Variants in CUX1 observed in about 807,000 individuals in gnomAD.
CUX1 encodes the protein cut like homeobox 1.
Under a neutral mutation model 158.8 loss-of-function variants are expected in CUX1, and 31 were observed. The observed-to-expected ratio is 0.20, with a 90% CI of 0.15 to 0.26. The LOEUF is 0.26. Ranked by LOEUF, CUX1 falls within the 10% of genes least tolerant of loss-of-function variation. CUX1 has a pLI of 1.00. For synonymous variants in CUX1, 879 were observed against 862.1 expected (o/e 1.02, Z -0.34); for missense variants, 1,589 against 2,014.6 (o/e 0.79, Z 4.04).
intron 2 of CUX1, among the ~76,000 whole-genome samples, chr7:102,019,728 A>G (rs930588722): frequency 1.3e-5 from 2 of 152,226 alleles, no homozygotes; most frequent in African/African-American, 4.8e-5. Flanking sequence ...CAAAAGCCAC[A>G]GCATCAGCAT....
At chr7:101,913,317 C>T in intron 1 of CUX1, 1 of 1,256,594 alleles carries the variant, frequency 8.0e-7, no homozygotes, top group Non-Finnish European at 1.0e-6. Context: ...CCGTGGGTTT[C>T]CCATGCCGAC....
chr7:102,042,214 C>A (rs972745957), intron 3 of CUX1, among the ~76,000 whole-genome samples: 1 of 152,348 alleles, frequency 6.6e-6, no homozygotes, highest in Non-Finnish European at 1.5e-5. Context: ...CAGTGCTGCA[C>A]TGGCCCTATG....
At chr7:102,203,114 C>T (rs1393948769) in intron 18 of CUX1, among the ~76,000 whole-genome samples, 2 of 152,170 alleles carry the variant, frequency 1.3e-5, no homozygotes, top group Non-Finnish European at 2.9e-5. Flanking sequence ...TTACGAGTGC[C>T]CACCACCACA....
intron 2 of CUX1, among the ~76,000 whole-genome samples, chr7:102,003,323 CACACACACACA>C (rs1816930367): frequency 6.6e-6 from 1 of 151,490 alleles, no homozygotes; most frequent in African/African-American, 2.4e-5. Flanking sequence ...CACACACACA[CACACACACACA>C]CGCCCGCCCC....
chr7:101,821,776 G>A (rs1181664625), intron 1 of CUX1, among the ~76,000 whole-genome samples: 1 of 129,002 alleles, frequency 7.8e-6, no homozygotes, highest in Non-Finnish European at 1.6e-5. Flanking sequence ...CAGGGTTCAG[G>A]CCATTCTCCT....
At chr7:102,233,183 CTTT>C (rs781940562) in intron 21 of CUX1, among the ~76,000 whole-genome samples, 13 of 117,196 alleles carry the variant, frequency 1.1e-4, no homozygotes, top group Non-Finnish European at 1.5e-4. Context: ...TTTTTTTTTC[CTTT>C]TTTTTTTTTT....
rs189948673 is a variant in CUX1, at chr7:102,254,098, C to G, written c.*5056C>G. On this transcript the variant is annotated 3_prime_UTR_variant, in exon 24 of 24. Transcript: ENST00000292535. ...TGTCTCTCCTTTTGTGAGCGCAACA[C>G]GGACAAACAGCTGTGCTCTGCAAGG... 5.1e-6 allele frequency: 5 copies of G among 985,324 alleles called. No individual in the cohort carries two copies. The highest frequency in any genetic ancestry group is 1.1e-4 in the East Asian group (1 of 8,832). 61.0% of individuals were successfully genotyped at this position (985,324 alleles called of 1,614,324 possible).
intron 3 of CUX1, among the ~76,000 whole-genome samples, chr7:102,060,564 C>T (rs996609807): frequency 2.7e-5 from 4 of 149,962 alleles, no homozygotes; most frequent in South Asian, 2.1e-4. Context: ...TATATATATA[C>T]ACACACACAT....
chr7:102,073,861 A>G (rs1826416146), intron 4 of CUX1, among the ~76,000 whole-genome samples: 1 of 152,180 alleles, frequency 6.6e-6, no homozygotes. Flanking sequence ...AAATTGATGG[A>G]TGGTGGGAGC....
chr7:101,905,076 G>C (rs1160733318), intron 1 of CUX1, among the ~76,000 whole-genome samples: 1 of 152,154 alleles, frequency 6.6e-6, no homozygotes, highest in Admixed American at 6.5e-5. Flanking sequence ...CAGCTGGGGA[G>C]GGTGAGAGCC....
At chr7:102,214,236 G>A (rs1221298776) in intron 20 of CUX1, among the ~76,000 whole-genome samples, 1 of 152,082 alleles carries the variant, frequency 6.6e-6, no homozygotes, top group Non-Finnish European at 1.5e-5. Context: ...TCAAGAAGAA[G>A]GTGGTGGCCA....
At chr7:102,234,648 G>A (rs969176311) in intron 22 of CUX1, among the ~76,000 whole-genome samples, 1 of 151,882 alleles carries the variant, frequency 6.6e-6, no homozygotes, top group Non-Finnish European at 1.5e-5. Flanking sequence ...GGCAGGGCAC[G>A]GCGGCTCACG....
In CUX1 at chr7:102,231,374, G is replaced by A. The variant is rs112207500; in HGVS notation, c.3434-2678G>A. ...AGATGGGGTTTCACCATATTGCCCAGGCTGGTCTCAAAACTCCTAGGCTGA... is the reference window on the plus strand; with the variant it reads ...AGATGGGGTTTCACCATATTGCCCAAGCTGGTCTCAAAACTCCTAGGCTGA... On this transcript the variant is annotated intron_variant, in intron 21 of 23. Transcript: ENST00000292535. Among the ~76,000 whole-genome samples the A allele has an allele frequency of 4.8e-3, 726 of 151,836 alleles. 3 individuals are homozygous for A. The highest frequency in any genetic ancestry group is 0.017 in the African/African-American group (690 of 41,404).
At position 102,197,014 on chromosome 7, in the gene CUX1, T is replaced by A; in HGVS notation, c.1603T>A (p.Ser535Thr). ...QSPDVNGMAP[S>T]PSQSESAGSV... Reference sequence around the variant, plus strand: ...CCCAGATGTCAATGGCATGGCCCCATCCCCCAGCCAGTCAGAAAGTGCTGG... The same window carrying A: ...CCCAGATGTCAATGGCATGGCCCCAACCCCCAGCCAGTCAGAAAGTGCTGG... Residue 535 changes from serine (S) to threonine (T), a missense_variant, in exon 15 of 24, where the codon TCC (serine) becomes ACC (threonine). Ser to Thr is a moderately conservative substitution (Grantham distance 58). Coordinates refer to ENST00000292535, the MANE Select transcript of CUX1 (RefSeq NM_181552.4). The A allele has an allele frequency of 6.2e-7, 1 of 1,613,956 alleles. No homozygotes were observed. Among genetic ancestry groups the A allele is most frequent in the South Asian group, 1.1e-5 (1 of 91,064 alleles).
chr7:102,199,922 C>G (rs1795230563), intron 16 of CUX1, 149 bp from the exon 17 acceptor site: 2 of 592,556 alleles, frequency 3.4e-6, no homozygotes, highest in South Asian at 4.5e-5. Flanking sequence ...GTTGCACTCA[C>G]AGCAAACACA....
At chr7:101,948,996 A>G (rs1007230587) in intron 2 of CUX1, among the ~76,000 whole-genome samples, 16 of 152,222 alleles carry the variant, frequency 1.1e-4, no homozygotes, top group Admixed American at 1.0e-3. Flanking sequence ...TGTTCATAGC[A>G]ATTTAACGTG....
At chr7:102,173,841 C>T (rs1792000492) in intron 10 of CUX1, among the ~76,000 whole-genome samples, 1 of 152,146 alleles carries the variant, frequency 6.6e-6, no homozygotes, top group African/African-American at 2.4e-5. Context: ...AGAGCAGCCC[C>T]GTGGGGCTCC....
Position 102,099,237 on chromosome 7 carries a change from C to T in CUX1, c.406+1736C>T, listed in dbSNP as rs116175334. ...ACAGGCAGCTGGGGAAGCCAGACCC[C>T]GCTTCTTTCTGGCTTTGCAGAGAGT... On this transcript the variant is annotated intron_variant, in intron 5 of 23. Transcript: ENST00000292535. Among the ~76,000 whole-genome samples the T allele has an allele frequency of 3.7e-3, 568 of 152,260 alleles. 2 individuals carry two copies. The highest frequency in any genetic ancestry group is 0.013 in the African/African-American group (537 of 41,552).
Position 102,033,869 on chromosome 7 carries a change from C to T in CUX1, c.189+5724C>T, listed in dbSNP as rs186728007. On this transcript the variant is annotated intron_variant, in intron 3 of 23. Coordinates refer to ENST00000292535, the MANE Select transcript of CUX1 (RefSeq NM_181552.4). ...AATTAAAAGTCAGTCTTATTGGCCA[C>T]GCATGGTGGCTTACGTCTCTAATCT... Among the ~76,000 whole-genome samples, 147 of 152,054 alleles carry T rather than the reference C, an allele frequency of 9.7e-4. No homozygotes were observed. In the Middle Eastern group the frequency reaches 0.017, roughly 18 times the overall value.
Sources: gnomAD v4.1 joint callset for allele counts (sites outside exome capture counted in the v4.1 genomes callset) on GRCh38, gnomAD v4.1.1 for gene constraint, MANE v1.5 for transcripts, NCBI Gene and HGNC (gene_info 2026-07-23, HGNC 2026-07-21) for gene names.